Variants in ZNF236 observed in about 807,000 individuals in gnomAD.
The protein encoded by ZNF236 is regulated by glucose.
In ZNF236, 50 loss-of-function variants were observed where a neutral mutation model predicts 191.2. That is an observed-to-expected ratio of 0.26 (90% CI 0.21 to 0.33). ZNF236 has a LOEUF of 0.33. Among genes scored for constraint, ZNF236 ranks in the 10% least tolerant of loss-of-function variants. ZNF236 has a pLI of 1.00. For missense variants in ZNF236, 1,754 were observed against 2,374.5 expected (o/e 0.74, Z 5.43); for synonymous variants, 907 against 928.8 (o/e 0.98, Z 0.43).
At chr18:76,903,158 T>A (rs1049426967) in intron 11 of ZNF236, among the ~76,000 whole-genome samples, 1 of 152,256 alleles carries the variant, frequency 6.6e-6, no homozygotes, top group African/African-American at 2.4e-5. Flanking sequence ...AATCTAATAA[T>A]GAGCTAGGTG....
Position 76,956,047 on chromosome 18 carries a change from C to G in ZNF236, c.4977C>G (p.His1659Gln). 1 of 1,609,754 alleles carries G rather than the reference C, an allele frequency of 6.2e-7. No homozygotes were observed. The change falls in exon 28 of 31, where the codon CAC (histidine) becomes CAG (glutamine). Residue 1659 changes from histidine (H) to glutamine (Q), a missense_variant. His to Gln is a conservative substitution (Grantham distance 24, BLOSUM62 0). Transcript: ENST00000320610. ...AGCCAGAGAAGGAGGGCCGGGCGCA[C>G]CAGTGCCTGGAGTGTGACCGCGCCT... ...GNQPEKEGRA[H>Q]QCLECDRAFS... is the part of the protein sequence containing the mutation.
chr18:76,848,733 A>G (rs895749262), intron 1 of ZNF236, among the ~76,000 whole-genome samples: 3 of 152,128 alleles, frequency 2.0e-5, no homozygotes, highest in African/African-American at 7.2e-5. Flanking sequence ...TGGTGGGATC[A>G]TCGGTCACTA....
intron 27 of ZNF236, among the ~76,000 whole-genome samples, chr18:76,950,052 A>G (rs1968366657): frequency 6.6e-6 from 1 of 152,098 alleles, no homozygotes; most frequent in South Asian, 2.1e-4. Flanking sequence ...GTGAGTTGTA[A>G]TCTTTTTGCT....
At chr18:76,933,564 TA>T (rs113267056) in intron 25 of ZNF236, among the ~76,000 whole-genome samples, 2,283 of 139,550 alleles carry the variant, frequency 0.016, 23 homozygotes, top group African/African-American at 0.044. Flanking sequence ...CTTGTTAAAT[TA>T]AAAAAAAAAA....
intron 3 of ZNF236, among the ~76,000 whole-genome samples, chr18:76,864,029 A>T (rs1306286811): frequency 1.3e-5 from 2 of 152,146 alleles, no homozygotes; most frequent in Admixed American, 6.5e-5. Context: ...AAAGACCTGA[A>T]TAGAATGAAA....
At chr18:76,857,853 A>G (rs1218859010) in intron 3 of ZNF236, among the ~76,000 whole-genome samples, 2 of 152,180 alleles carry the variant, frequency 1.3e-5, no homozygotes, top group African/African-American at 4.8e-5. Context: ...TATTGTTCTA[A>G]ATATTTAGAT....
At position 76,960,676 on chromosome 18, in the gene ZNF236, C is replaced by T. The variant is rs775564867; in HGVS notation, c.5243-3C>T. On this transcript the variant is annotated splice_region_variant and splice_polypyrimidine_tract_variant and intron_variant, in intron 29 of 30. Transcript: ENST00000320610. The surrounding 1 kb of genome is among the most constrained non-coding windows in gnomAD (Gnocchi z 4.4). Reference sequence around the variant, plus strand: ...ACATTGACATATGCCATTTTCTGTACAGGGGAGCGGCCGTTCCATTGCACG... The same window carrying T: ...ACATTGACATATGCCATTTTCTGTATAGGGGAGCGGCCGTTCCATTGCACG... 7 of 1,614,178 alleles carry T rather than the reference C, an allele frequency of 4.3e-6. No individual in the cohort carries two copies. Among genetic ancestry groups the T allele is most frequent in the Non-Finnish European group, 5.9e-6 (7 of 1,180,036 alleles).
At chr18:76,864,343 G>T (rs1400348356) in intron 3 of ZNF236, among the ~76,000 whole-genome samples, 1 of 151,976 alleles carries the variant, frequency 6.6e-6, no homozygotes, top group East Asian at 1.9e-4. Flanking sequence ...GGGATTACAG[G>T]CATCCACCAC....
In ZNF236 at chr18:76,905,218, C is replaced by T. The variant is rs768226588; in HGVS notation, c.2100C>T (p.Gly700=). The T allele has an allele frequency of 2.6e-5, 42 of 1,613,990 alleles. 1 individual carries two copies. The highest frequency in any genetic ancestry group is 3.3e-5 in the South Asian group (3 of 91,078). ...SQCGRGFVSA[G]VLKAHIRTHT... is the part of the protein sequence containing the mutation. ...GTGGAAGAGGCTTTGTTTCTGCAGG[C>T]GTGCTCAAAGCACACATCAGAACAC... Residue 700 remains glycine, a synonymous_variant, in exon 13 of 31, where the codon GGC becomes GGT. Transcript: ENST00000320610.
chr18:76,830,132 G>T (rs2080539891), intron 1 of ZNF236, among the ~76,000 whole-genome samples: 1 of 152,152 alleles, frequency 6.6e-6, no homozygotes, highest in African/African-American at 2.4e-5. Flanking sequence ...GCCTCCCAAA[G>T]TGCTGGGATT....
intron 2 of ZNF236, among the ~76,000 whole-genome samples, chr18:76,850,218 T>A (rs1388788295): frequency 6.6e-6 from 1 of 152,192 alleles, no homozygotes; most frequent in African/African-American, 2.4e-5. Flanking sequence ...AAAACTATAA[T>A]TAAAAAAGTG....
At chr18:76,858,769 C>T (rs1446461322) in intron 3 of ZNF236, among the ~76,000 whole-genome samples, 2 of 27,982 alleles carry the variant, frequency 7.1e-5, no homozygotes, top group East Asian at 7.3e-4. Context: ...CAGCTGGAGG[C>T]GGGTGCAGGT....
At chr18:76,910,041 T>G in intron 14 of ZNF236, 27 bp from the exon 15 acceptor site, 1 of 1,558,302 alleles carries the variant, frequency 6.4e-7, no homozygotes, top group Non-Finnish European at 8.8e-7. Context: ...AATGTATGCG[T>G]CCCCCTTTTT....
rs3794864 is a variant in ZNF236 at position 76,954,576 on chromosome 18, C to T, written c.4915-1409C>T. On this transcript the variant is annotated intron_variant, in intron 27 of 30. Transcript: ENST00000320610. Reference sequence around the variant, plus strand: ...TGTGTTTCTGTCATTTTTCTTTACACTCACAGATATTCACATGTAGACACA... The same window carrying T: ...TGTGTTTCTGTCATTTTTCTTTACATTCACAGATATTCACATGTAGACACA... Among the ~76,000 whole-genome samples, 1,428 of 152,316 alleles carry T rather than the reference C, an allele frequency of 9.4e-3. 50 individuals carry two copies. The highest frequency in any genetic ancestry group is 0.063 in the Admixed American group (965 of 15,298).
At chr18:76,874,171 GTCC>G (rs1355310988) in intron 5 of ZNF236, among the ~76,000 whole-genome samples, 7 of 152,200 alleles carry the variant, frequency 4.6e-5, no homozygotes, top group African/African-American at 2.4e-5. Context: ...CTGACTGTCT[GTCC>G]TCCTCTTTCA....
At chr18:76,836,727 G>T (rs1568187202) in intron 1 of ZNF236, among the ~76,000 whole-genome samples, 1 of 151,760 alleles carries the variant, frequency 6.6e-6, no homozygotes, top group South Asian at 2.1e-4. Context: ...ACAGGCGCCC[G>T]CCACCACGCC....
chr18:76,872,520 A>G (rs1220063269), intron 5 of ZNF236, among the ~76,000 whole-genome samples: 1 of 152,198 alleles, frequency 6.6e-6, no homozygotes, highest in African/African-American at 2.4e-5. Flanking sequence ...GAAGCAGTGG[A>G]TTTTCATATT....
At chr18:76,946,898 TA>T (rs1469075725) in intron 26 of ZNF236, among the ~76,000 whole-genome samples, 6 of 152,264 alleles carry the variant, frequency 3.9e-5, no homozygotes, top group Admixed American at 1.3e-4. Flanking sequence ...TAAGTTCACC[TA>T]ATTATTTAAA....
chr18:76,852,294 T>C (rs1975900953), intron 3 of ZNF236, among the ~76,000 whole-genome samples: 1 of 152,246 alleles, frequency 6.6e-6, no homozygotes, highest in South Asian at 2.1e-4. Flanking sequence ...GCTTTGAAGA[T>C]GGTAGAATCT....
Sources: gnomAD v4.1 joint callset for allele counts (sites outside exome capture counted in the v4.1 genomes callset) on GRCh38, gnomAD v4.1.1 for gene constraint, Gnocchi (gnomAD v3.1) non-coding constraint, MANE v1.5 for transcripts, NCBI Gene and HGNC (gene_info 2026-07-23, HGNC 2026-07-21) for gene names.